The following GALNT13 variants were observed in gnomAD, a reference collection of about 807,000 sequenced individuals.
The protein encoded by GALNT13 is polypeptide N-acetylgalactosaminyltransferase 13, also known as UDP-GalNAc:polypeptide N-acetylgalactosaminyltransferase 13.
GALNT13 carries 28 observed loss-of-function variants against 64.2 expected under a neutral mutation model. The observed-to-expected ratio is 0.44, with a 90% CI of 0.32 to 0.60. GALNT13 has a LOEUF of 0.60. Among genes scored for constraint, GALNT13 ranks in the 20% least tolerant of loss-of-function variants. GALNT13 has a pLI of 0.05. For missense variants in GALNT13, 577 were observed against 669.8 expected, an observed-to-expected ratio of 0.86 and a Z score of 1.53; for synonymous variants, 214 against 224.6, an observed-to-expected ratio of 0.95 and a Z score of 0.42.
At chr2:153,378,660 C>T in the GALNT13 span, among the ~76,000 whole-genome samples, 2 of 152,140 alleles carry the variant, frequency 1.3e-5, no homozygotes, top group African/African-American at 4.8e-5. Flanking sequence ...TATTTTCCTA[C>T]TGGTGAATTT....
chr2:153,594,801 C>G, the GALNT13 span, among the ~76,000 whole-genome samples: 1 of 152,204 alleles, frequency 6.6e-6, no homozygotes, highest in South Asian at 2.1e-4. Context: ...TGTAATCTTT[C>G]ATTATCCATT....
the GALNT13 span, among the ~76,000 whole-genome samples, chr2:153,627,130 G>C: frequency 4.6e-5 from 7 of 152,154 alleles, no homozygotes; most frequent in South Asian, 2.1e-4. Context: ...CAGCCATCTT[G>C]AGACTATAAA....
intron 4 of GALNT13, among the ~76,000 whole-genome samples, chr2:154,172,728 A>T (rs73005476): frequency 0.035 from 5,387 of 151,832 alleles, 321 homozygotes; most frequent in African/African-American, 0.12. Context: ...ACTTACATTG[A>T]TTCCATATGC....
the GALNT13 span, among the ~76,000 whole-genome samples, chr2:153,714,724 T>C: frequency 6.6e-6 from 1 of 152,186 alleles, no homozygotes; most frequent in Non-Finnish European, 1.5e-5. Context: ...AAAATGGAAA[T>C]GGCAAAAGCT....
At chr2:153,405,936 G>C in the GALNT13 span, among the ~76,000 whole-genome samples, 2 of 152,142 alleles carry the variant, frequency 1.3e-5, no homozygotes, top group Non-Finnish European at 2.9e-5. Flanking sequence ...GTTAGAGAGC[G>C]CTTCGTAGGG....
the GALNT13 span, among the ~76,000 whole-genome samples, chr2:153,680,494 A>G: frequency 6.6e-6 from 1 of 151,456 alleles, no homozygotes; most frequent in Admixed American, 6.6e-5. Context: ...AATAAACTCA[A>G]TTTATAAGTG....
chr2:153,651,428 T>C, the GALNT13 span, among the ~76,000 whole-genome samples: 1 of 152,158 alleles, frequency 6.6e-6, no homozygotes, highest in Non-Finnish European at 1.5e-5. Context: ...CAAAAATAGC[T>C]CAATGGCTTG....
chr2:153,307,410 C>A, the GALNT13 span, among the ~76,000 whole-genome samples: 2 of 151,588 alleles, frequency 1.3e-5, no homozygotes, highest in Admixed American at 6.6e-5. Flanking sequence ...ATAGAAATGG[C>A]CTAAATACCT....
intron 1 of GALNT13, among the ~76,000 whole-genome samples, chr2:153,893,103 A>G (rs141057263): frequency 3.3e-5 from 5 of 152,186 alleles, no homozygotes; most frequent in African/African-American, 1.2e-4. Flanking sequence ...CAGGGTTCCA[A>G]TCATTATAAC....
At chr2:153,335,137 A>C in the GALNT13 span, among the ~76,000 whole-genome samples, 3 of 152,328 alleles carry the variant, frequency 2.0e-5, no homozygotes, top group East Asian at 5.8e-4. Context: ...TTCCCCAGCC[A>C]CATGGAACTG....
At chr2:154,200,652 G>A (rs186800642) in intron 4 of GALNT13, among the ~76,000 whole-genome samples, 1 of 152,246 alleles carries the variant, frequency 6.6e-6, no homozygotes, top group Admixed American at 6.5e-5. Flanking sequence ...AGGTAGAAGG[G>A]CAAGAGGGCC....
chr2:153,611,186 CA>C, the GALNT13 span, among the ~76,000 whole-genome samples: 4 of 152,128 alleles, frequency 2.6e-5, no homozygotes, highest in Middle Eastern at 3.4e-3. Context: ...TTTGAAATTT[CA>C]AAAAGTTAAT....
At chr2:153,175,116 T>C in the GALNT13 span, among the ~76,000 whole-genome samples, 1 of 152,138 alleles carries the variant, frequency 6.6e-6, no homozygotes, top group Admixed American at 6.5e-5. Flanking sequence ...TTAATTGAAA[T>C]TGAGTCTAGG....
the GALNT13 span, among the ~76,000 whole-genome samples, chr2:153,324,546 G>A: frequency 3.3e-5 from 5 of 152,194 alleles, no homozygotes; most frequent in Non-Finnish European, 7.3e-5. Flanking sequence ...TAGGAGTGGT[G>A]AGATAGGGCA....
chr2:153,829,853 G>T, the GALNT13 span, among the ~76,000 whole-genome samples: 1 of 152,146 alleles, frequency 6.6e-6, no homozygotes, highest in African/African-American at 2.4e-5. Flanking sequence ...ATTTAGAAGA[G>T]ACTTAATTCC....
intron 8 of GALNT13, among the ~76,000 whole-genome samples, chr2:154,259,970 C>A (rs571610413): frequency 1.3e-5 from 2 of 152,230 alleles, no homozygotes; most frequent in African/African-American, 4.8e-5. Flanking sequence ...GCAGCCTAGA[C>A]CTCCAGGGCT....
chr2:154,408,386 C>G (rs1417502527), intron 10 of GALNT13, among the ~76,000 whole-genome samples: 3 of 151,972 alleles, frequency 2.0e-5, no homozygotes, highest in Non-Finnish European at 4.4e-5. Flanking sequence ...CACTGTTTAG[C>G]ATTGTAATAG....
At chr2:153,094,239 T>A in the GALNT13 span, among the ~76,000 whole-genome samples, 1 of 152,168 alleles carries the variant, frequency 6.6e-6, no homozygotes, top group African/African-American at 2.4e-5. Flanking sequence ...GATTATTTAT[T>A]TTTTGATGTA....
At chr2:154,448,710 A>T (rs1462897975) in intron 12 of GALNT13, among the ~76,000 whole-genome samples, 1 of 152,140 alleles carries the variant, frequency 6.6e-6, no homozygotes, top group East Asian at 1.9e-4. Context: ...CTTAAAGAAA[A>T]ATCTCCCTAA....
Sources: gnomAD v4.1 joint callset for allele counts (sites outside exome capture counted in the v4.1 genomes callset) on GRCh38, gnomAD v4.1.1 for gene constraint, MANE v1.5 for transcripts, NCBI Gene and HGNC (gene_info 2026-07-23, HGNC 2026-07-21) for gene names.